RBMS2: variants seen among roughly 807,000 people sequenced by gnomAD.
RBMS2 encodes RNA binding motif single stranded interacting protein 2, also known as RNA-binding motif, single-stranded-interacting protein 2.
RBMS2 carries 38 observed loss-of-function variants against 58.4 expected under a neutral mutation model. The observed-to-expected ratio is 0.65, with a 90% CI of 0.50 to 0.85. The LOEUF is 0.85. Ranked by LOEUF, RBMS2 falls within the 40% of genes least tolerant of loss-of-function variation. The pLI is 0.00. For synonymous variants in RBMS2, 151 were observed against 180.7 expected (o/e 0.84, Z 1.32); for missense variants, 367 against 503.7 (o/e 0.73, Z 2.60).
chr12:56,561,959 C>G (rs375643628), intron 1 of RBMS2, among the ~76,000 whole-genome samples: 4 of 152,254 alleles, frequency 2.6e-5, no homozygotes, highest in Middle Eastern at 3.4e-3. Flanking sequence ...AGGCGCCCAC[C>G]ACCATGCCCA....
intron 1 of RBMS2, chr12:56,527,904 A>G (rs1872971366): frequency 1.3e-5 from 2 of 152,204 alleles, no homozygotes; most frequent in South Asian, 2.1e-4. Flanking sequence ...AATACAGAAC[A>G]GAAACAGGAC....
chr12:56,587,434 C>G, intron 10 of RBMS2, 120 bp from the exon 11 acceptor site: 2 of 1,079,556 alleles, frequency 1.9e-6, no homozygotes. Flanking sequence ...TTGCTGCTCA[C>G]TTACCATTTC....
chr12:56,539,015 C>CTT (rs10605730), intron 1 of RBMS2, among the ~76,000 whole-genome samples: 14 of 144,174 alleles, frequency 9.7e-5, no homozygotes, highest in African/African-American at 1.8e-4. Context: ...TTCAGAAATT[C>CTT]TTTTTTTTTT....
chr12:56,585,879 T>A (rs757043718), intron 9 of RBMS2, among the ~76,000 whole-genome samples: 6 of 152,222 alleles, frequency 3.9e-5, no homozygotes, highest in Non-Finnish European at 5.9e-5. Flanking sequence ...TGTTATTCTA[T>A]CCTTTTAATT....
Position 56,557,999 on chromosome 12 carries a change from A to G in RBMS2, c.67-4418A>G, listed in dbSNP as rs559532901. 7.3e-3 allele frequency among the ~76,000 whole-genome samples: 1,011 copies of G among 138,688 alleles called. 23 individuals are homozygous for G. The highest frequency in any genetic ancestry group is 0.026 in the African/African-American group (966 of 37,472). The allele number at this position is 138,688 out of a possible 152,430, so 91.0% of individuals were successfully genotyped here. On this transcript the variant is annotated intron_variant, in intron 1 of 13. Coordinates refer to ENST00000262031, the MANE Select transcript of RBMS2 (RefSeq NM_002898.4). ...GTGGATCCACCCGCCTCAGCCTCCCAAAGTACTGGGATTACAGGCATGAGC... is the reference window on the plus strand; with the variant it reads ...GTGGATCCACCCGCCTCAGCCTCCCGAAGTACTGGGATTACAGGCATGAGC...
chr12:56,522,499 C>G (rs766543988), intron 1 of RBMS2, among the ~76,000 whole-genome samples: 1 of 152,082 alleles, frequency 6.6e-6, no homozygotes, highest in African/African-American at 2.4e-5. Context: ...CCCAACCTTC[C>G]CTCCTACCCA....
At chr12:56,561,322 G>A (rs888077556) in intron 1 of RBMS2, among the ~76,000 whole-genome samples, 2 of 152,054 alleles carry the variant, frequency 1.3e-5, no homozygotes, top group African/African-American at 4.8e-5. Flanking sequence ...CTGTTTTTAG[G>A]TCTTTGAGGA....
intron 5 of RBMS2, among the ~76,000 whole-genome samples, chr12:56,579,953 G>A (rs984443514): frequency 2.0e-5 from 3 of 151,852 alleles, no homozygotes; most frequent in African/African-American, 7.3e-5. Flanking sequence ...TTTTTGAGAC[G>A]GAGTCTTGCT....
chr12:56,539,674 A>AT (rs770197524), intron 1 of RBMS2: 11 of 451,194 alleles, frequency 2.4e-5, no homozygotes, highest in East Asian at 1.4e-4. Flanking sequence ...CTGTTCTTTT[A>AT]TTTTTTTTGA....
chr12:56,576,711 G>T (rs1039576817), intron 5 of RBMS2, among the ~76,000 whole-genome samples: 1 of 151,392 alleles, frequency 6.6e-6, no homozygotes, highest in Non-Finnish European at 1.5e-5. Flanking sequence ...GGATCATCTT[G>T]TCATACTTCT....
In RBMS2 at chr12:56,589,141, A is replaced by G. The variant is rs1342525344; in HGVS notation, c.*8A>G. 1.9e-6 allele frequency: 3 copies of G among 1,558,478 alleles called. No homozygotes were observed. In the East Asian group the frequency reaches 7.3e-5, roughly 38 times the overall value. On this transcript the variant is annotated splice_region_variant and 3_prime_UTR_variant, in exon 14 of 14. Transcript: ENST00000262031. ...CTCTCTGGCTTGTGCCTTCTTTAGG[A>G]TTCCCCTCCCCATCTTTACTGAATA...
intron 1 of RBMS2, among the ~76,000 whole-genome samples, chr12:56,527,593 G>A (rs769086618): frequency 1.1e-4 from 16 of 151,712 alleles, no homozygotes; most frequent in East Asian, 9.7e-4. Context: ...GCCCGGGGCC[G>A]ACAACAGCGA....
At chr12:56,545,429 C>A (rs539056248) in intron 1 of RBMS2, among the ~76,000 whole-genome samples, 1 of 152,296 alleles carries the variant, frequency 6.6e-6, no homozygotes, top group South Asian at 2.1e-4. Context: ...ACACATCATA[C>A]AGTTTAAAGT....
intron 2 of RBMS2, among the ~76,000 whole-genome samples, chr12:56,565,208 T>A (rs924343044): frequency 1.3e-5 from 2 of 152,194 alleles, no homozygotes; most frequent in Admixed American, 1.3e-4. Context: ...TCAGTACAGA[T>A]GCAACCATCC....
upstream of RBMS2, among the ~76,000 whole-genome samples, chr12:56,521,772 T>G (rs1323881249): frequency 2.0e-5 from 3 of 151,612 alleles, no homozygotes; most frequent in Non-Finnish European, 2.9e-5. Flanking sequence ...TGGAAGTGCC[T>G]CTGCCTCATT....
chr12:56,544,028 G>A (rs970997436), intron 1 of RBMS2, among the ~76,000 whole-genome samples: 11 of 151,854 alleles, frequency 7.2e-5, no homozygotes, highest in African/African-American at 2.2e-4. Context: ...CTCTAATCCC[G>A]GCAGTTTGGG....
chr12:56,590,029 A>G lies in RBMS2; in HGVS notation c.*896A>G, dbSNP rs1192061459. The G allele has an allele frequency of 1.3e-5, 2 of 152,232 alleles. No individual in the cohort carries two copies. The highest frequency in any genetic ancestry group is 3.8e-4 in the East Asian group (2 of 5,198). The allele number at this position is 152,232 out of a possible 1,614,324, so 9.4% of individuals were successfully genotyped here. ...AAGAGACAACTCCACAGCCCTGGGA[A>G]CACACCCTTGAGCCAAACTTGGTTG... On this transcript the variant is annotated 3_prime_UTR_variant, in exon 14 of 14. Coordinates refer to ENST00000262031, the MANE Select transcript of RBMS2 (RefSeq NM_002898.4).
intron 1 of RBMS2, among the ~76,000 whole-genome samples, chr12:56,555,892 T>G (rs1879147352): frequency 6.6e-6 from 1 of 151,974 alleles, no homozygotes; most frequent in South Asian, 2.1e-4. Flanking sequence ...AAATGTTTTT[T>G]AAAATTAGCC....
At chr12:56,532,252 A>G (rs1565728643) in intron 1 of RBMS2, among the ~76,000 whole-genome samples, 1 of 150,576 alleles carries the variant, frequency 6.6e-6, no homozygotes, top group Non-Finnish European at 1.5e-5. Flanking sequence ...TAAAAAAGAA[A>G]AAAAAATTGG....
Sources: gnomAD v4.1 joint callset for allele counts (sites outside exome capture counted in the v4.1 genomes callset) on GRCh38, gnomAD v4.1.1 for gene constraint, MANE v1.5 for transcripts, NCBI Gene and HGNC (gene_info 2026-07-23, HGNC 2026-07-21) for gene names.